UMODL1: variants seen among roughly 807,000 people sequenced by gnomAD.
The protein encoded by UMODL1 is uromodulin-like 1.
A neutral mutation model predicts 136.3 loss-of-function variants in UMODL1; 128 were observed. The ratio of observed to expected loss-of-function variants is 0.94; its 90% CI spans 0.81 to 1.09. UMODL1 has a LOEUF of 1.09. UMODL1 is among the 50% of genes least tolerant of loss of function. The pLI, the probability that UMODL1 is intolerant of heterozygous loss-of-function variation, is 0.00. For synonymous variants in UMODL1, 721 were observed against 720.0 expected, an observed-to-expected ratio of 1.00 and a Z score of -0.02; for missense variants, 1,766 against 1,725.6, an observed-to-expected ratio of 1.02 and a Z score of -0.41.
In UMODL1 at chr21:42,109,679, G is replaced by A. The variant is rs148929910; in HGVS notation, c.1637G>A (p.Arg546His). 2.3e-4 allele frequency: 374 copies of A among 1,604,658 alleles called. No individual in the cohort carries two copies. In the African/African-American group the frequency reaches 3.9e-3, roughly 17 times the overall value. Reference protein sequence around the residue: ...CRTTRDATPSRAGRACEGDLV... With the variant: ...CRTTRDATPSHAGRACEGDLV... Reference sequence around the variant, plus strand: ...ACCACCAGGGACGCCACCCCCTCCCGCGCAGGCCGGGCCTGTGAGGGTACG... The same window carrying A: ...ACCACCAGGGACGCCACCCCCTCCCACGCAGGCCGGGCCTGTGAGGGTACG... The change falls in exon 10 of 23, where the codon CGC (arginine) becomes CAC (histidine). Residue 546 changes from arginine to histidine, a missense_variant. Arg to His is a conservative substitution (Grantham distance 29). Transcript: ENST00000408910.
intron 20 of UMODL1, chr21:42,128,194 T>C (rs556519778): frequency 6.9e-5 from 24 of 347,998 alleles, no homozygotes; most frequent in African/African-American, 4.7e-4. Flanking sequence ...TTTAACAACA[T>C]TGATGGAACA....
chr21:42,104,455 CTT>C (rs536063448), intron 9 of UMODL1, among the ~76,000 whole-genome samples: 1 of 143,726 alleles, frequency 7.0e-6, no homozygotes. Context: ...CTTTTCTTTT[CTT>C]TTTTTTTTTA....
chr21:42,075,873 G>C (rs2066284192), intron 1 of UMODL1, 132 bp from the exon 2 acceptor site: 1 of 1,363,138 alleles, frequency 7.3e-7, no homozygotes, highest in Non-Finnish European at 1.0e-6. Flanking sequence ...CTGGTGGGCA[G>C]CTTCTGAGAG....
chr21:42,098,631 G>A lies in UMODL1; in HGVS notation c.932-295G>A, dbSNP rs184905707. Reference sequence around the variant, plus strand: ...AAAATGCAAAAAATTAGCCGGGCGTGGTGGCGAGTGCCTGTAATCCCAGCT... The same window carrying A: ...AAAATGCAAAAAATTAGCCGGGCGTAGTGGCGAGTGCCTGTAATCCCAGCT... On this transcript the variant is annotated intron_variant, in intron 6 of 22. Transcript: ENST00000408910. Among the ~76,000 whole-genome samples the A allele has an allele frequency of 2.2e-4, 33 of 152,260 alleles. No homozygotes were observed. In the East Asian group the frequency reaches 6.0e-3, roughly 28 times the overall value.
chr21:42,084,781 TTAGTATGGTATGCAGTAATAAAGCAA>T (rs2066406188), intron 3 of UMODL1, among the ~76,000 whole-genome samples: 1 of 149,600 alleles, frequency 6.7e-6, no homozygotes, highest in African/African-American at 2.4e-5. Flanking sequence ...TATTATAGCG[TTAGTATGGTATGCAGTAATAAAGCAA>T]TAGTATACAT....
chr21:42,138,249 A>G (rs1443228951), intron 22 of UMODL1, among the ~76,000 whole-genome samples: 1 of 152,172 alleles, frequency 6.6e-6, no homozygotes, highest in Non-Finnish European at 1.5e-5. Context: ...AGGCCCCGCT[A>G]TGGGGTCTGA....
rs374395575 is a variant in UMODL1 at position 42,119,270 on chromosome 21, G to A, written c.2635G>A (p.Ala879Thr). ...GGAGGTGTCAGCTGCATTTCTCACC[G>A]CCTTCCAGACCGTGCCTCTGCTGGA... Reference protein sequence around the residue: ...VQEVSAAFLTAFQTVPLLEVI... With the variant: ...VQEVSAAFLTTFQTVPLLEVI... Residue 879 changes from alanine (A) to threonine (T), a missense_variant, in exon 15 of 23, where the codon GCC becomes ACC. Physicochemically the swap from Ala to Thr is moderately conservative, Grantham distance 58 (BLOSUM62 0). Coordinates refer to ENST00000408910, the MANE Select transcript of UMODL1 (RefSeq NM_001004416.3). 32 of 1,614,196 alleles carry A rather than the reference G, an allele frequency of 2.0e-5. No homozygotes were observed. The highest frequency in any genetic ancestry group is 6.7e-5 in the Admixed American group (4 of 60,026).
At chr21:42,132,016 G>A (rs375526920) in intron 21 of UMODL1, among the ~76,000 whole-genome samples, 1 of 152,204 alleles carries the variant, frequency 6.6e-6, no homozygotes. Context: ...CATGACTAGG[G>A]GGTGAAAAGC....
In UMODL1 at chr21:42,129,508, C is replaced by T. The variant is rs374064731; in HGVS notation, c.3691-205C>T. ...ACCTCACTTCCTTCCCCGCTGACGC[C>T]TGGGCCTGCCTCTTGTTGCACCAGG... On this transcript the variant is annotated intron_variant, in intron 20 of 22. Coordinates refer to ENST00000408910, the MANE Select transcript of UMODL1 (RefSeq NM_001004416.3). Among the ~76,000 whole-genome samples the T allele has an allele frequency of 1.6e-4, 25 of 152,312 alleles. No individual in the cohort carries two copies. The East Asian group carries it at 2.1e-3, about 13-fold the overall frequency.
chr21:42,128,544 G>T (rs148667307), intron 20 of UMODL1, among the ~76,000 whole-genome samples: 1 of 152,172 alleles, frequency 6.6e-6, no homozygotes, highest in Non-Finnish European at 1.5e-5. Context: ...TCTGCAGGAC[G>T]TGGATAGAGA....
At chr21:42,127,945 G>A in intron 20 of UMODL1, 114 bp downstream of exon 20, 2 of 1,395,868 alleles carry the variant, frequency 1.4e-6, no homozygotes, top group South Asian at 2.4e-5. Flanking sequence ...CCAACCTCTG[G>A]GAGGAGTCGC....
intron 21 of UMODL1, among the ~76,000 whole-genome samples, chr21:42,133,280 C>A (rs530010568): frequency 1.3e-5 from 2 of 152,368 alleles, no homozygotes; most frequent in South Asian, 4.1e-4. Context: ...AGATCCCACG[C>A]TCTGTCCCTG....
At position 42,095,898 on chromosome 21, in the gene UMODL1, T is replaced by C. The variant is rs368578234; in HGVS notation, c.932-3028T>C. 1.1e-4 allele frequency among the ~76,000 whole-genome samples: 17 copies of C among 152,234 alleles called. 3 individuals carry two copies. Among genetic ancestry groups the C allele is most frequent in the East Asian group, 3.9e-4 (2 of 5,182 alleles). On this transcript the variant is annotated intron_variant, in intron 6 of 22. Coordinates refer to ENST00000408910, the MANE Select transcript of UMODL1 (RefSeq NM_001004416.3). ...ACCCAGGAAACATTACCTGTAACCATGTCGCTGATAGCTTGGCTGGTTTGT... is the reference window on the plus strand; with the variant it reads ...ACCCAGGAAACATTACCTGTAACCACGTCGCTGATAGCTTGGCTGGTTTGT...
At chr21:42,081,231 C>G (rs1204125768) in intron 2 of UMODL1, among the ~76,000 whole-genome samples, 1 of 152,134 alleles carries the variant, frequency 6.6e-6, no homozygotes, top group African/African-American at 2.4e-5. Context: ...AACCTCCTGT[C>G]CCGACCAGGC....
chr21:42,101,925 A>G lies in UMODL1; in HGVS notation c.1187-241A>G, dbSNP rs191528557. ...TGGTTGAATCCCAGTTCCCGTGGGT[A>G]TGGGCTGTGTGTGACGTTTGTACCT... On this transcript the variant is annotated intron_variant, in intron 7 of 22. Transcript: ENST00000408910. 17 of 415,004 alleles carry G rather than the reference A, an allele frequency of 4.1e-5. No homozygotes were observed. The Admixed American group carries it at 5.4e-4, about 13-fold the overall frequency. The allele number at this position is 415,004 out of a possible 1,614,324, so 25.7% of individuals were successfully genotyped here.
Position 42,122,642 on chromosome 21 carries a change from C to T in UMODL1, c.2828-189C>T, listed in dbSNP as rs949970898. The stretch of plus-strand genomic sequence containing the variant: ...ATGTGTGTGCATGCACGTGTGTGTA[C>T]GTGTGTGTGCATATGTGTGCGTGTG... On this transcript the variant is annotated intron_variant, in intron 16 of 22. Coordinates refer to ENST00000408910, the MANE Select transcript of UMODL1 (RefSeq NM_001004416.3). The surrounding 1 kb of genome is among the most constrained non-coding windows in gnomAD (Gnocchi z 4.3). Among the ~76,000 whole-genome samples, 8 of 147,100 alleles carry T rather than the reference C, an allele frequency of 5.4e-5. No homozygotes were observed. Among genetic ancestry groups the T allele is most frequent in the African/African-American group, 2.1e-4 (8 of 38,920 alleles).
intron 16 of UMODL1, 107 bp downstream of exon 16, chr21:42,121,331 T>G: frequency 7.1e-7 from 1 of 1,416,092 alleles, no homozygotes; most frequent in Non-Finnish European, 9.6e-7. Flanking sequence ...CATATTTTTA[T>G]GTCCTGGGGA....
At chr21:42,066,608 C>T (rs2066184917), upstream of UMODL1, among the ~76,000 whole-genome samples, 1 of 152,174 alleles carries the variant, frequency 6.6e-6, no homozygotes, top group Non-Finnish European at 1.5e-5. Flanking sequence ...GTTGATCTTG[C>T]TCCAAGCTGC....
chr21:42,101,276 C>A (rs565896707), intron 7 of UMODL1, among the ~76,000 whole-genome samples: 1 of 152,078 alleles, frequency 6.6e-6, no homozygotes, highest in Non-Finnish European at 1.5e-5. Context: ...CGCCAGTCCA[C>A]GGGGCTCTGC....
Sources: gnomAD v4.1 joint callset for allele counts (sites outside exome capture counted in the v4.1 genomes callset) on GRCh38, gnomAD v4.1.1 for gene constraint, Gnocchi (gnomAD v3.1) non-coding constraint, MANE v1.5 for transcripts, NCBI Gene and HGNC (gene_info 2026-07-23, HGNC 2026-07-21) for gene names.